The following ABCA1 variants were observed in gnomAD, a reference collection of about 807,000 sequenced individuals.
ABCA1 encodes the protein ATP binding cassette subfamily A member 1.
Under a neutral mutation model 262.5 loss-of-function variants are expected in ABCA1, and 133 were observed. The ratio of observed to expected loss-of-function variants is 0.51; its 90% CI spans 0.44 to 0.59. ABCA1 has a LOEUF of 0.59. Ranked by LOEUF, ABCA1 falls within the 20% of genes least tolerant of loss-of-function variation. ABCA1 has a pLI of 0.00. For missense variants in ABCA1, 2,452 were observed against 2,777.5 expected, an observed-to-expected ratio of 0.88 and a Z score of 2.63; for synonymous variants, 1,022 against 1,043.5, an observed-to-expected ratio of 0.98 and a Z score of 0.40.
At chr9:104,811,117 T>C (rs1268942964) in intron 28 of ABCA1, among the ~76,000 whole-genome samples, 193 bp from the exon 29 acceptor site, 1 of 152,256 alleles carries the variant, frequency 6.6e-6, no homozygotes, top group East Asian at 1.9e-4. Flanking sequence ...GCCTGAAAAC[T>C]AAACCTTTTC....
chr9:104,800,742 T>C lies in ABCA1; in HGVS notation c.4699-158A>G, dbSNP rs551187089. On this transcript the variant is annotated intron_variant, in intron 34 of 49. Coordinates refer to ENST00000374736, the MANE Select transcript of ABCA1 (RefSeq NM_005502.4). ...GTGAAGCCATTAAATAAACGGCTCC[T>C]GAGAACCAAGTGACTAGAAATCTAC... Among the ~76,000 whole-genome samples the C allele has an allele frequency of 4.6e-5, 7 of 152,304 alleles. No homozygotes were observed. The East Asian group carries it at 9.6e-4, about 21-fold the overall frequency.
Position 104,796,291 on chromosome 9 carries a change from C to T in ABCA1, c.5237+18G>A, listed in dbSNP as rs1404498169. The T allele has an allele frequency of 1.9e-6, 3 of 1,614,020 alleles. No homozygotes were observed. The highest frequency in any genetic ancestry group is 1.7e-6 in the Non-Finnish European group (2 of 1,179,890). On this transcript the variant is annotated intron_variant, in intron 38 of 49. Transcript: ENST00000374736. ...TGCCTTATCCACTGTGCAGCTCCCT[C>T]ACTCAGAGGTGACTTACCCATACAG...
chr9:104,924,864 A>G (rs948021216), intron 1 of ABCA1, among the ~76,000 whole-genome samples: 1 of 152,212 alleles, frequency 6.6e-6, no homozygotes, highest in Non-Finnish European at 1.5e-5. Context: ...TAAATGGAAA[A>G]ATATCCCAAC....
intron 45 of ABCA1, 97 bp downstream of exon 45, chr9:104,788,329 G>T: frequency 6.4e-7 from 1 of 1,570,502 alleles, no homozygotes. Flanking sequence ...CATTCATGAG[G>T]AAAAACAGCC....
chr9:104,849,213 T>C (rs572432457), intron 7 of ABCA1, among the ~76,000 whole-genome samples: 2 of 152,344 alleles, frequency 1.3e-5, no homozygotes, highest in Admixed American at 1.3e-4. Flanking sequence ...CAGCAGGGCC[T>C]AAAGCATGAC....
intron 7 of ABCA1, among the ~76,000 whole-genome samples, chr9:104,854,172 A>C (rs1393080083): frequency 1.3e-5 from 2 of 152,326 alleles, no homozygotes; most frequent in East Asian, 3.9e-4. Context: ...GGCAACCTTT[A>C]GGAGCAAAAA....
At chr9:104,822,358 C>G (rs192608011) in intron 19 of ABCA1, 138 bp downstream of exon 19, 1 of 1,141,928 alleles carries the variant, frequency 8.8e-7, no homozygotes, top group Non-Finnish European at 1.3e-6. Flanking sequence ...GATTAGATAA[C>G]ATGTTCACAT....
At chr9:104,808,644 C>T (rs1045990845) in intron 30 of ABCA1, among the ~76,000 whole-genome samples, 2 of 152,222 alleles carry the variant, frequency 1.3e-5, no homozygotes, top group Admixed American at 6.5e-5. Flanking sequence ...CTTGTATAAA[C>T]AGGTTATCAT....
chr9:104,822,553 TA>T lies in ABCA1; in HGVS notation c.2770del (p.Tyr924MetfsTer23). 1 of 1,614,022 alleles carries T rather than the reference TA, an allele frequency of 6.2e-7. No individual in the cohort carries two copies. The highest frequency in any genetic ancestry group is 8.5e-7 in the Non-Finnish European group (1 of 1,179,976). ...VAVDGLALNFYEGQITSFLGH... is the reference protein window; with the variant it reads ...VAVDGLALNFXEGQITSFLGH... Reference sequence around the variant, plus strand: ...CAGGAAGGAGGTGATCTGGCCCTCATAAAAATTCAGTGCCAGGCCATCGACA... The same window carrying T: ...CAGGAAGGAGGTGATCTGGCCCTCATAAAATTCAGTGCCAGGCCATCGACA... On this transcript the variant is annotated frameshift_variant, in exon 19 of 50. Coordinates refer to ENST00000374736, the MANE Select transcript of ABCA1 (RefSeq NM_005502.4). LOFTEE classifies it high-confidence loss of function.
At chr9:104,803,347 CAAAG>C (rs765352105) in intron 32 of ABCA1, 31 bp from the exon 33 acceptor site, 1 of 1,610,932 alleles carries the variant, frequency 6.2e-7, no homozygotes, top group Non-Finnish European at 8.5e-7. Context: ...AAAATCAGTT[CAAAG>C]AAAGCACTGA....
In ABCA1 at chr9:104,832,579, T is replaced by C. The variant is rs951501085; in HGVS notation, c.1504A>G (p.Met502Val). The change falls in exon 12 of 50, where the codon ATG becomes GTG. Residue 502 changes from methionine to valine, a missense_variant. Around this residue, in one of 4 missense-constraint regions of ABCA1, gnomAD observed 1,032 missense variants for 1,089.7 expected, o/e 0.95. Transcript: ENST00000374736. ...GATCCCAGCAACAGATTCACCTCCA[T>C]GAAGCGAGATATGGTCCGGATTGCC... is the stretch of plus-strand genomic sequence containing the variant. ...NQAIRTISRF[M>V]ECVNLNKLEP... The C allele has an allele frequency of 6.2e-7, 1 of 1,614,066 alleles. No individual in the cohort carries two copies. Among genetic ancestry groups the C allele is most frequent in the Non-Finnish European group, 8.5e-7 (1 of 1,180,026 alleles).
rs550549319 is a variant in ABCA1, at chr9:104,784,694, A to G, written c.6646-239T>C. 1.7e-4 allele frequency among the ~76,000 whole-genome samples: 26 copies of G among 152,272 alleles called. 1 individual carries two copies. Among genetic ancestry groups the G allele is most frequent in the South Asian group, 1.7e-3 (8 of 4,822 alleles). On this transcript the variant is annotated intron_variant, in intron 49 of 49. Transcript: ENST00000374736. ...GGGTCTTGCTCTGTCCCCAGGCTGGAGTGCAGTGGCGAGACCTTGGCTCAC... is the reference window on the plus strand; with the variant it reads ...GGGTCTTGCTCTGTCCCCAGGCTGGGGTGCAGTGGCGAGACCTTGGCTCAC...
chr9:104,921,618 C>A lies in ABCA1; in HGVS notation c.-93+6317G>T, dbSNP rs12236519. Among the ~76,000 whole-genome samples the A allele has an allele frequency of 1.6e-4, 24 of 152,302 alleles. No homozygotes were observed. In the East Asian group the frequency reaches 4.0e-3, roughly 26 times the overall value. ...TTTCTCAGTCTAACATAAACCTAGC[C>A]TTAACTACAGTTGTTTCTCATATAA... On this transcript the variant is annotated intron_variant, in intron 1 of 49. Coordinates refer to ENST00000374736, the MANE Select transcript of ABCA1 (RefSeq NM_005502.4).
chr9:104,812,469 T>C, intron 28 of ABCA1, 105 bp downstream of exon 28: 2 of 1,453,518 alleles, frequency 1.4e-6, no homozygotes, highest in South Asian at 2.3e-5. Context: ...TAAATCTGGC[T>C]CCGGCATCCA....
At chr9:104,886,222 C>T (rs1302013073) in intron 3 of ABCA1, among the ~76,000 whole-genome samples, 1 of 152,218 alleles carries the variant, frequency 6.6e-6, no homozygotes. Context: ...TACCACCTCC[C>T]TCCAAAGTGG....
In ABCA1 at chr9:104,803,271, G is replaced by C; in HGVS notation, c.4592+13C>G. The C allele has an allele frequency of 6.2e-7, 1 of 1,614,086 alleles. No homozygotes were observed. Among genetic ancestry groups the C allele is most frequent in the Non-Finnish European group, 8.5e-7 (1 of 1,179,954 alleles). Reference sequence around the variant, plus strand: ...CCCCCTGAGCTAAACGTGCCAGAAAGACAGCAACTTACCTAAACTCATTCA... The same window carrying C: ...CCCCCTGAGCTAAACGTGCCAGAAACACAGCAACTTACCTAAACTCATTCA... On this transcript the variant is annotated intron_variant, in intron 33 of 49. Transcript: ENST00000374736.
At chr9:104,786,087 G>A (rs1239740338) in intron 48 of ABCA1, among the ~76,000 whole-genome samples, 1 of 152,180 alleles carries the variant, frequency 6.6e-6, no homozygotes, top group Non-Finnish European at 1.5e-5. Flanking sequence ...TCTTACAGTA[G>A]TTAAGTCACT....
At chr9:104,891,966 TAAAAAAAAAAAAAAAAA>T (rs570923490) in intron 2 of ABCA1, among the ~76,000 whole-genome samples, 2 of 59,228 alleles carry the variant, frequency 3.4e-5, no homozygotes, top group East Asian at 5.9e-4. Flanking sequence ...CTCTGTCTCT[TAAAAAAAAAAAAAAAAA>T]AAAAAAAAAA....
At chr9:104,861,842 C>CA (rs34203904) in intron 5 of ABCA1, 42 bp from the exon 6 acceptor site, 72,787 of 1,302,244 alleles carry the variant, frequency 0.056, no homozygotes, top group Non-Finnish European at 0.063. Context: ...GTAAGTAACT[C>CA]AAAAAAAAAA....
Sources: gnomAD v4.1 joint callset for allele counts (sites outside exome capture counted in the v4.1 genomes callset) on GRCh38, gnomAD v4.1.1 for gene constraint, gnomAD v4.1.1 regional missense constraint, MANE v1.5 for transcripts, NCBI Gene and HGNC (gene_info 2026-07-23, HGNC 2026-07-21) for gene names.